CNTNAP5: variants seen among roughly 807,000 people sequenced by gnomAD.
CNTNAP5 encodes contactin-associated protein-like 5.
A neutral mutation model predicts 150.2 loss-of-function variants in CNTNAP5; 72 were observed. That is an observed-to-expected ratio of 0.48 (90% confidence interval 0.40 to 0.58). CNTNAP5 has a LOEUF of 0.58. Among genes scored for constraint, CNTNAP5 ranks in the 20% least tolerant of loss-of-function variants. CNTNAP5 has a pLI of 0.00. For missense variants in CNTNAP5, 1,636 were observed against 1,626.2 expected (o/e 1.01, Z -0.10); for synonymous variants, 672 against 619.8 (o/e 1.08, Z -1.25).
chr2:124,607,898 A>G (rs745808775), intron 11 of CNTNAP5, among the ~76,000 whole-genome samples: 29 of 152,204 alleles, frequency 1.9e-4, no homozygotes, highest in Admixed American at 3.3e-4. Context: ...AATAATCTGT[A>G]CATTATGCTC....
chr2:124,412,369 G>GA (rs1158746528), intron 3 of CNTNAP5, among the ~76,000 whole-genome samples: 126 of 147,938 alleles, frequency 8.5e-4, no homozygotes, highest in African/African-American at 3.0e-3. Context: ...CGCAGAATTG[G>GA]AAAAAACTAC....
At chr2:124,719,300 T>A (rs1680005876) in intron 13 of CNTNAP5, among the ~76,000 whole-genome samples, 1 of 152,210 alleles carries the variant, frequency 6.6e-6, no homozygotes, top group South Asian at 2.1e-4. Flanking sequence ...TTAAGAAATG[T>A]TTAATTCCTC....
chr2:124,685,633 G>A (rs191203912), intron 13 of CNTNAP5, among the ~76,000 whole-genome samples: 43 of 152,110 alleles, frequency 2.8e-4, no homozygotes, highest in African/African-American at 1.0e-3. Context: ...TATAACTGAG[G>A]TTTTTTAAAA....
intron 10 of CNTNAP5, among the ~76,000 whole-genome samples, chr2:124,551,045 G>A (rs1486393494): frequency 6.6e-6 from 1 of 152,094 alleles, no homozygotes; most frequent in Non-Finnish European, 1.5e-5. Flanking sequence ...TCAGTGTGCG[G>A]TAGAGTAGAG....
At chr2:124,228,113 C>T (rs559416417) in intron 2 of CNTNAP5, among the ~76,000 whole-genome samples, 8 of 152,092 alleles carry the variant, frequency 5.3e-5, no homozygotes, top group Non-Finnish European at 7.4e-5. Context: ...AGTGGTGTGA[C>T]CCTCCATCTG....
At chr2:124,437,405 G>T (rs994080909) in intron 5 of CNTNAP5, among the ~76,000 whole-genome samples, 1 of 152,084 alleles carries the variant, frequency 6.6e-6, no homozygotes, top group Non-Finnish European at 1.5e-5. Context: ...TTACAGATAT[G>T]AAATAGTAGA....
At chr2:124,261,581 G>A (rs563205893) in intron 3 of CNTNAP5, among the ~76,000 whole-genome samples, 14 of 152,116 alleles carry the variant, frequency 9.2e-5, no homozygotes, top group Non-Finnish European at 2.1e-4. Flanking sequence ...ATTATGTCCT[G>A]AATTCCCAGC....
intron 17 of CNTNAP5, 68 bp from the exon 18 acceptor site, chr2:124,789,834 A>C: frequency 6.9e-7 from 1 of 1,456,184 alleles, no homozygotes; most frequent in Non-Finnish European, 9.4e-7. Flanking sequence ...TACCCATGCC[A>C]ACATTAAACC....
intron 3 of CNTNAP5, among the ~76,000 whole-genome samples, chr2:124,275,876 A>G (rs1687871052): frequency 6.6e-6 from 1 of 152,192 alleles, no homozygotes; most frequent in South Asian, 2.1e-4. Flanking sequence ...TGAGAACAAC[A>G]GACTTGTACC....
At chr2:124,120,345 G>A (rs1211920675) in intron 1 of CNTNAP5, among the ~76,000 whole-genome samples, 2 of 152,208 alleles carry the variant, frequency 1.3e-5, no homozygotes, top group East Asian at 1.9e-4. Context: ...TTGGCAGGGA[G>A]CAAAGGTGAG....
At chr2:124,872,402 G>A (rs1558808498) in intron 21 of CNTNAP5, among the ~76,000 whole-genome samples, 1 of 151,226 alleles carries the variant, frequency 6.6e-6, no homozygotes, top group Admixed American at 6.6e-5. Flanking sequence ...GTGTGTGTGT[G>A]TGTGTGTGTG....
At chr2:124,189,372 T>C (rs1322785012) in intron 1 of CNTNAP5, among the ~76,000 whole-genome samples, 1 of 152,104 alleles carries the variant, frequency 6.6e-6, no homozygotes, top group Non-Finnish European at 1.5e-5. Context: ...GCAGACCCTG[T>C]GAGGTTTGGA....
chr2:124,601,349 T>C (rs1224630401), intron 11 of CNTNAP5, among the ~76,000 whole-genome samples: 1 of 152,126 alleles, frequency 6.6e-6, no homozygotes, highest in East Asian at 1.9e-4. Flanking sequence ...ACGTGAGCAT[T>C]TCTCACAAAA....
chr2:124,053,939 A>G (rs905906657), intron 1 of CNTNAP5, among the ~76,000 whole-genome samples: 4 of 152,180 alleles, frequency 2.6e-5, no homozygotes, highest in African/African-American at 7.2e-5. Flanking sequence ...TAGTTTCTCC[A>G]AGTTGTGGCA....
At chr2:124,338,303 C>T (rs1013260304) in intron 3 of CNTNAP5, among the ~76,000 whole-genome samples, 1 of 152,192 alleles carries the variant, frequency 6.6e-6, no homozygotes, top group African/African-American at 2.4e-5. Context: ...ACAATCATGT[C>T]ATCTGCAAAG....
At chr2:124,636,296 C>A (rs926745566) in intron 12 of CNTNAP5, among the ~76,000 whole-genome samples, 1 of 152,010 alleles carries the variant, frequency 6.6e-6, no homozygotes, top group South Asian at 2.1e-4. Context: ...ATGAGGTAAT[C>A]GATGTAAACT....
At chr2:124,763,625 A>G in intron 14 of CNTNAP5, 47 bp from the exon 15 acceptor site, 1 of 1,574,136 alleles carries the variant, frequency 6.4e-7, no homozygotes, top group Non-Finnish European at 8.7e-7. Context: ...GAGTCCCTAG[A>G]TTATCCACAT....
intron 11 of CNTNAP5, among the ~76,000 whole-genome samples, chr2:124,591,856 C>A (rs1183082234): frequency 1.3e-5 from 2 of 152,074 alleles, no homozygotes; most frequent in Non-Finnish European, 2.9e-5. Flanking sequence ...TATTCTTATT[C>A]CTTCTTCCTC....
chr2:124,869,496 G>T (rs1049891867), intron 20 of CNTNAP5, among the ~76,000 whole-genome samples, 179 bp from the exon 21 acceptor site: 5 of 152,120 alleles, frequency 3.3e-5, no homozygotes, highest in South Asian at 2.1e-4. Context: ...AAAGAAAGGG[G>T]TATTTTATGT....
Sources: gnomAD v4.1 joint callset for allele counts (sites outside exome capture counted in the v4.1 genomes callset) on GRCh38, gnomAD v4.1.1 for gene constraint, MANE v1.5 for transcripts, NCBI Gene and HGNC (gene_info 2026-07-23, HGNC 2026-07-21) for gene names.